APC2: variants seen among roughly 807,000 people sequenced by gnomAD.
The protein encoded by APC2 is adenomatous polyposis coli protein 2.
Under a neutral mutation model 72.5 loss-of-function variants are expected in APC2, and 41 were observed. That is an observed-to-expected ratio of 0.57 (90% CI 0.44 to 0.73). The LOEUF (loss-of-function observed/expected upper bound fraction) is 0.73, where lower values mean the gene tolerates loss of function less well. Among genes scored for constraint, APC2 ranks in the 30% least tolerant of loss-of-function variants. APC2 has a pLI of 0.00. For synonymous variants in APC2, 1,898 were observed against 1,612.0 expected (o/e 1.18, Z -4.25); for missense variants, 3,729 against 3,403.4 (o/e 1.10, Z -2.38).
rs535612443 is a variant in APC2 at position 1,456,040 on chromosome 19, C to T, written c.640-36C>T. ...GCGGGGTCAGAGCCGGGGGCGGGGTCAGCTCCAGCACTTGCCCTCGTGTGG... is the reference window on the plus strand; with the variant it reads ...GCGGGGTCAGAGCCGGGGGCGGGGTTAGCTCCAGCACTTGCCCTCGTGTGG... On this transcript the variant is annotated intron_variant, in intron 6 of 14. Transcript: ENST00000590469. The T allele has an allele frequency of 4.2e-4, 624 of 1,501,110 alleles. 7 individuals carry two copies. The South Asian group carries it at 7.1e-3, about 17-fold the overall frequency. The allele number at this position is 1,501,110 out of a possible 1,614,324, so 93.0% of individuals were successfully genotyped here.
At position 1,455,257 on chromosome 19, in the gene APC2, G is replaced by C. The variant is rs1389858591; in HGVS notation, c.522G>C (p.Thr174=). ...TGGACGAGCTGCCGCACGTGGAGAC[G>C]GTGAGCCGGCCGGGGAGCCAGGGGG... is the stretch of plus-strand genomic sequence containing the variant. The part of the protein sequence containing the change: ...KRLDELPHVE[T]QFSMQMDLIR... Residue 174 remains threonine (T), a splice_region_variant and synonymous_variant, in exon 5 of 15, where the codon ACG becomes ACC. Transcript: ENST00000590469. 25 of 1,571,942 alleles carry C rather than the reference G, an allele frequency of 1.6e-5. No homozygotes were observed. The highest frequency in any genetic ancestry group is 2.1e-5 in the Non-Finnish European group (24 of 1,163,962).
chr19:1,465,781 A>AGGAGGCAGAGAAGGACACCAGTGG lies in APC2; in HGVS notation c.2489_2512dup (p.Glu830_Ala837dup), dbSNP rs1440810401. On this transcript the variant is annotated inframe_insertion, in exon 15 of 15. Transcript: ENST00000590469. Reference sequence around the variant, plus strand: ...ACCCCGCCCACCCGCCGAGGCGGCAAGGAGGCAGAGAAGGACACCAGTGGG... The same window carrying AGGAGGCAGAGAAGGACACCAGTGG: ...ACCCCGCCCACCCGCCGAGGCGGCAAGGAGGCAGAGAAGGACACCAGTGGGGAGGCAGAGAAGGACACCAGTGGG... 1 of 1,573,902 alleles carries AGGAGGCAGAGAAGGACACCAGTGG rather than the reference A, an allele frequency of 6.4e-7. No individual in the cohort carries two copies. The highest frequency in any genetic ancestry group is 1.4e-5 in the African/African-American group (1 of 73,464).
Position 1,468,240 on chromosome 19 carries a change from C to T in APC2, c.4939C>T (p.Leu1647=). 2.0e-6 allele frequency: 3 copies of T among 1,504,992 alleles called. No individual in the cohort carries two copies. The highest frequency in any genetic ancestry group is 2.7e-6 in the Non-Finnish European group (3 of 1,131,804). 93.2% of individuals were successfully genotyped at this position (1,504,992 alleles called of 1,614,324 possible). A position where few individuals can be genotyped will look rare whatever the true frequency, so the allele number is the denominator to read the frequency against. ...LPRRRPPVSG[L]RRRKPRATRL... ...CAGGCGCCGGCCCCCCGTGTCTGGC[C>T]TGCGGCGCCGCAAGCCCCGAGCCAC... The change falls in exon 15 of 15, where the codon CTG becomes TTG. Residue 1647 remains leucine, a synonymous_variant. Transcript: ENST00000590469.
At chr19:1,464,950 T>TTA (rs2083982687) in intron 14 of APC2, among the ~76,000 whole-genome samples, 2 of 151,406 alleles carry the variant, frequency 1.3e-5, no homozygotes, top group African/African-American at 4.9e-5. Flanking sequence ...TTTTTTTTTT[T>TTA]AACTCCATCT....
In APC2 at chr19:1,457,020, CG is replaced by C; in HGVS notation, c.989del (p.Gly330ValfsTer90). On this transcript the variant is annotated frameshift_variant, in exon 9 of 15. Transcript: ENST00000590469. LOFTEE classifies it high-confidence loss of function. ...QILHGTEAAA[G>X]GRAGAPGAPG... Reference sequence around the variant, plus strand: ...TCCTCCACGGCACCGAGGCCGCGGCCGGGGGTCGCGCCGGGGCCCCAGGGGC... The same window carrying C: ...TCCTCCACGGCACCGAGGCCGCGGCCGGGGTCGCGCCGGGGCCCCAGGGGC... 2 of 1,527,666 alleles carry C rather than the reference CG, an allele frequency of 1.3e-6. No individual in the cohort carries two copies. The highest frequency in any genetic ancestry group is 1.7e-6 in the Non-Finnish European group (2 of 1,143,762). 94.6% of individuals were successfully genotyped at this position (1,527,666 alleles called of 1,614,324 possible).
rs1436601329 is a variant in APC2, at chr19:1,470,084, C to T, written c.6783C>T (p.His2261=). Residue 2261 remains histidine, a synonymous_variant, in exon 15 of 15, where the codon CAC becomes CAT. Transcript: ENST00000590469. Reference sequence around the variant, plus strand: ...TGGGGGGCTTCCCCGCCAGCCGGCACGGCTCCCCCAGCCGCTCGGCCCGAG... The same window carrying T: ...TGGGGGGCTTCCCCGCCAGCCGGCATGGCTCCCCCAGCCGCTCGGCCCGAG... ...VAVGGFPASR[H]GSPSRSARVP... is the part of the protein sequence containing the mutation. The T allele has an allele frequency of 5.0e-6, 8 of 1,601,890 alleles. No homozygotes were observed. The highest frequency in any genetic ancestry group is 4.0e-5 in the African/African-American group (3 of 74,510).
Position 1,466,379 on chromosome 19 carries a change from G to A in APC2, c.3078G>A (p.Arg1026=). 1 of 1,588,514 alleles carries A rather than the reference G, an allele frequency of 6.3e-7. No homozygotes were observed. Among genetic ancestry groups the A allele is most frequent in the South Asian group, 1.1e-5 (1 of 89,534 alleles). ...GGCCTGGAATCTCTCCAGGGGCCCG[G>A]AAGCAGGCCTGGCTGCCGGCAGACC... The part of the protein sequence containing the change: ...LAGPGISPGA[R]KQAWLPADHL... Residue 1026 remains arginine (R), a synonymous_variant, in exon 15 of 15, where the codon CGG becomes CGA. Transcript: ENST00000590469.
chr19:1,464,743 G>A (rs1025299427), intron 14 of APC2, among the ~76,000 whole-genome samples: 8 of 145,894 alleles, frequency 5.5e-5, no homozygotes, highest in Non-Finnish European at 1.2e-4. Context: ...AGCAGTGCTC[G>A]TGCCTCGGCC....
In APC2 at chr19:1,470,535, G is replaced by A. The variant is rs2084116679; in HGVS notation, c.*322G>A. ...TGTCGGAAGCCGTTGCTTGACCCCG[G>A]GCGAGGGAGGCGGTAGCCTCCGGGT... On this transcript the variant is annotated 3_prime_UTR_variant, in exon 15 of 15. Transcript: ENST00000590469. 3.6e-6 allele frequency: 1 copy of A among 279,884 alleles called. No homozygotes were observed. The highest frequency in any genetic ancestry group is 6.7e-5 in the East Asian group (1 of 14,820). 17.3% of individuals were successfully genotyped at this position (279,884 alleles called of 1,614,324 possible).
At position 1,462,117 on chromosome 19, in the gene APC2, A is replaced by G; in HGVS notation, c.1793A>G (p.Glu598Gly). 1 of 1,612,722 alleles carries G rather than the reference A, an allele frequency of 6.2e-7. No homozygotes were observed. The change falls in exon 14 of 15, where the codon GAG becomes GGG. Residue 598 changes from glutamate (E) to glycine (G), a missense_variant. Glu to Gly is a moderately conservative substitution (Grantham distance 98). Coordinates refer to ENST00000590469, the MANE Select transcript of APC2 (RefSeq NM_005883.3). ...CAGAGCAACTCGCTGGCCATCATCGAGAGCGGCGGCGGCATCCTCCGCAAT... is the reference window on the plus strand; with the variant it reads ...CAGAGCAACTCGCTGGCCATCATCGGGAGCGGCGGCGGCATCCTCCGCAAT... ...KCQSNSLAII[E>G]SGGGILRNVS...
Position 1,469,390 on chromosome 19 carries a change from G to C in APC2, c.6089G>C (p.Arg2030Pro), listed in dbSNP as rs2084090418. ...APQGASPRRG[R>P]PALPAVFLCS... ...CAGGGCGCCTCGCCCCGCCGCGGCC[G>C]GCCCGCGCTGCCCGCCGTCTTCCTC... Residue 2030 changes from arginine (R) to proline (P), a missense_variant, in exon 15 of 15, where the codon CGG becomes CCG. Arg to Pro is a moderately radical substitution (Grantham distance 103). Transcript: ENST00000590469. The C allele has an allele frequency of 1.6e-6, 2 of 1,217,252 alleles. No homozygotes were observed. The highest frequency in any genetic ancestry group is 2.8e-5 in the South Asian group (1 of 35,414). 75.4% of individuals were successfully genotyped at this position (1,217,252 alleles called of 1,614,324 possible).
In APC2 at chr19:1,465,386, G is replaced by C; in HGVS notation, c.2085G>C (p.Leu695=). The C allele has an allele frequency of 6.4e-7, 1 of 1,570,136 alleles. No individual in the cohort carries two copies. Among genetic ancestry groups the C allele is most frequent in the South Asian group, 1.1e-5 (1 of 87,762 alleles). The change falls in exon 15 of 15, where the codon CTG becomes CTC. Residue 695 remains leucine (L), a synonymous_variant. Coordinates refer to ENST00000590469, the MANE Select transcript of APC2 (RefSeq NM_005883.3). ...GCGCCGCCGCCCTGCGCAACCTGCT[G>C]GCCCATCGGCCCGCCAAGCACCAGG... ...MGSAAALRNL[L]AHRPAKHQAA...
Position 1,466,320 on chromosome 19 carries a change from G to A in APC2, c.3019G>A (p.Gly1007Ser), listed in dbSNP as rs761721926. The change falls in exon 15 of 15, where the codon GGT (glycine) becomes AGT (serine). Residue 1007 changes from glycine to serine, a missense_variant. Transcript: ENST00000590469. ...CTATCAGCACGTGCCACTGCTTGAG[G>A]GTGCCTCAAGGGCGGGTGCAGAGCC... The part of the protein sequence containing the change: ...PTYQHVPLLE[G>S]ASRAGAEPLA... 100 of 1,544,944 alleles carry A rather than the reference G, an allele frequency of 6.5e-5. No homozygotes were observed. Among genetic ancestry groups the A allele is most frequent in the African/African-American group, 5.9e-4 (43 of 73,402 alleles).
Position 1,460,246 on chromosome 19 carries a change from C to G in APC2, c.1369C>G (p.Pro457Ala). ...TGAGATGCACAAGATGACCCGGGAC[C>G]CGCTGAACCTGGCGCTGCGCCGCTA... ...DYEMHKMTRDPLNLALRRYAG... is the reference protein window; with the variant it reads ...DYEMHKMTRDALNLALRRYAG... Residue 457 changes from proline (P) to alanine (A), a missense_variant, in exon 11 of 15, where the codon CCG becomes GCG. By Grantham distance (27) the Pro-to-Ala change is conservative (BLOSUM62 -1). Transcript: ENST00000590469. 6.2e-7 allele frequency: 1 copy of G among 1,613,584 alleles called. No homozygotes were observed. The highest frequency in any genetic ancestry group is 8.5e-7 in the Non-Finnish European group (1 of 1,180,016).
intron 13 of APC2, 128 bp from the exon 14 acceptor site, chr19:1,461,835 G>A: frequency 1.3e-6 from 1 of 744,690 alleles, no homozygotes; most frequent in Non-Finnish European, 2.1e-6. Context: ...CTGGGGGAGA[G>A]AGTGAGATTC....
rs754881860 is a variant in APC2 at position 1,455,508 on chromosome 19, G to A, written c.639+8G>A. On this transcript the variant is annotated splice_region_variant and intron_variant, in intron 6 of 14. Transcript: ENST00000590469. ...ATGGTGCAGCGGGCACAGGTGCGGCGGTGGGCGGGGTGGCGCGGCGGTAGG... is the reference window on the plus strand; with the variant it reads ...ATGGTGCAGCGGGCACAGGTGCGGCAGTGGGCGGGGTGGCGCGGCGGTAGG... The A allele has an allele frequency of 3.1e-5, 50 of 1,593,950 alleles. No homozygotes were observed. The East Asian group carries it at 1.1e-3, about 35-fold the overall frequency.
chr19:1,467,226 G>T lies in APC2; in HGVS notation c.3925G>T (p.Gly1309Trp). ...CTGCCCCGAGCGCGGCGGGGGCGCC[G>T]GGGGCGCCGGCCTCCACTTTGCAGG... ...SACPERGGGA[G>W]GAGLHFAGHR... Residue 1309 changes from glycine to tryptophan, a missense_variant, in exon 15 of 15, where the codon GGG becomes TGG. Gly to Trp is a radical substitution (Grantham distance 184). Coordinates refer to ENST00000590469, the MANE Select transcript of APC2 (RefSeq NM_005883.3). The T allele has an allele frequency of 7.3e-7, 1 of 1,370,112 alleles. No homozygotes were observed. The highest frequency in any genetic ancestry group is 9.4e-7 in the Non-Finnish European group (1 of 1,066,992). 84.9% of individuals were successfully genotyped at this position (1,370,112 alleles called of 1,614,324 possible). A position where few individuals can be genotyped will look rare whatever the true frequency, so the allele number is the denominator to read the frequency against.
Position 1,452,665 on chromosome 19 carries a change from G to A in APC2, c.-18-319G>A, listed in dbSNP as rs2083757955. ...GTCCGGCTGTCAGGATGTGTCCTGG[G>A]GGCTGGGAAGGAGAGGCCGACCCAT... On this transcript the variant is annotated intron_variant, in intron 1 of 14. Transcript: ENST00000590469. The surrounding 1 kb of genome is among the most constrained non-coding windows in gnomAD (Gnocchi z 5.1). 1 of 322,068 alleles carries A rather than the reference G, an allele frequency of 3.1e-6. No homozygotes were observed. 20.0% of individuals were successfully genotyped at this position (322,068 alleles called of 1,614,324 possible).
rs931804709 is a variant in APC2, at chr19:1,467,984, C to T, written c.4683C>T (p.Pro1561=). Residue 1561 remains proline, a synonymous_variant, in exon 15 of 15, where the codon CCC becomes CCT. Coordinates refer to ENST00000590469, the MANE Select transcript of APC2 (RefSeq NM_005883.3). ...AGGCTGCACCAGCTGCCCCGCCGCC[C>T]GCCCGGACCCAGCCCAGCCTCATTG... The part of the protein sequence containing the change: ...PSKAAPAAPP[P]ARTQPSLIAD... 6.3e-7 allele frequency: 1 copy of T among 1,580,590 alleles called. No homozygotes were observed. Among genetic ancestry groups the T allele is most frequent in the South Asian group, 1.1e-5 (1 of 89,122 alleles).
Sources: gnomAD v4.1 joint callset for allele counts (sites outside exome capture counted in the v4.1 genomes callset) on GRCh38, gnomAD v4.1.1 for gene constraint, Gnocchi (gnomAD v3.1) non-coding constraint, MANE v1.5 for transcripts, NCBI Gene and HGNC (gene_info 2026-07-23, HGNC 2026-07-21) for gene names.